The following ARL13B variants were observed in gnomAD, a reference collection of about 807,000 sequenced individuals.
ARL13B encodes ADP-ribosylation factor-like protein 13B.
In ARL13B, 36 loss-of-function variants were observed where a neutral mutation model predicts 56.1. The ratio of observed to expected loss-of-function variants is 0.64; its 90% CI spans 0.49 to 0.85. ARL13B has a LOEUF of 0.85. ARL13B is among the 40% of genes least tolerant of loss of function. ARL13B has a pLI of 0.00. For synonymous variants in ARL13B, 178 were observed against 171.1 expected (o/e 1.04, Z -0.32); for missense variants, 519 against 507.1 (o/e 1.02, Z -0.23).
intron 1 of ARL13B, among the ~76,000 whole-genome samples, chr3:93,983,612 A>G (rs970119522): frequency 6.6e-6 from 1 of 152,026 alleles, no homozygotes; most frequent in African/African-American, 2.4e-5. Context: ...TCTCCTTCAC[A>G]TTATAGGGGA....
intron 2 of ARL13B, among the ~76,000 whole-genome samples, chr3:94,003,099 T>C (rs2076079767): frequency 6.6e-6 from 1 of 152,202 alleles, no homozygotes; most frequent in South Asian, 2.1e-4. Flanking sequence ...ACATCCAAAA[T>C]ATGTTCCTAT....
intron 1 of ARL13B, among the ~76,000 whole-genome samples, chr3:93,992,908 C>T (rs1418334580): frequency 1.3e-5 from 2 of 151,964 alleles, no homozygotes. Context: ...ATTCTCGCAG[C>T]TCAGCCTCCC....
chr3:94,010,421 T>C (rs2076204325), intron 3 of ARL13B, among the ~76,000 whole-genome samples: 1 of 152,078 alleles, frequency 6.6e-6, no homozygotes, highest in African/African-American at 2.4e-5. Flanking sequence ...CTATGAAGCT[T>C]GTAATTACAG....
intron 3 of ARL13B, among the ~76,000 whole-genome samples, chr3:94,011,077 A>G (rs2076216782): frequency 6.6e-6 from 1 of 152,094 alleles, no homozygotes; most frequent in South Asian, 2.1e-4. Context: ...ATGCTTGATA[A>G]TTGACACCAT....
At chr3:94,049,235 A>G (rs2077029690) in intron 7 of ARL13B, among the ~76,000 whole-genome samples, 171 bp from the exon 8 acceptor site, 1 of 152,240 alleles carries the variant, frequency 6.6e-6, no homozygotes, top group African/African-American at 2.4e-5. Context: ...CTTAAAAAAT[A>G]TATTCTTAGT....
At chr3:94,034,183 G>A (rs1576023432) in intron 3 of ARL13B, among the ~76,000 whole-genome samples, 2 of 151,972 alleles carry the variant, frequency 1.3e-5, no homozygotes, top group Admixed American at 1.3e-4. Flanking sequence ...TGTGATTCAG[G>A]CAGCAAAATA....
intron 3 of ARL13B, among the ~76,000 whole-genome samples, chr3:94,023,462 C>G (rs2076491241): frequency 6.6e-6 from 1 of 151,796 alleles, no homozygotes; most frequent in Non-Finnish European, 1.5e-5. Flanking sequence ...TCTTTTCAAC[C>G]TAGAAACTCA....
chr3:93,998,236 C>CCTGA (rs767870401), intron 2 of ARL13B, among the ~76,000 whole-genome samples: 2 of 152,130 alleles, frequency 1.3e-5, no homozygotes, highest in Non-Finnish European at 2.9e-5. Flanking sequence ...TCCTCTAAAG[C>CCTGA]CTGACATTCA....
intron 3 of ARL13B, chr3:94,015,176 C>T: frequency 6.2e-7 from 1 of 1,613,824 alleles, no homozygotes; most frequent in Non-Finnish European, 8.5e-7. Context: ...AGAAACACCC[C>T]TTGTTCCTCT....
In ARL13B at chr3:94,036,733, T is replaced by C. The variant is rs1394528438; in HGVS notation, c.668T>C (p.Val223Ala). 1.2e-6 allele frequency: 2 copies of C among 1,612,468 alleles called. No individual in the cohort carries two copies. The highest frequency in any genetic ancestry group is 1.1e-5 in the South Asian group (1 of 90,836). Reference protein sequence around the residue: ...EQEKQERAERVRKLREERKQN... With the variant: ...EQEKQERAERARKLREERKQN... The stretch of plus-strand genomic sequence containing the variant: ...GAGAAACAAGAAAGAGCTGAACGAG[T>C]GCGAAAATTACGAGAAGAAAGGTAA... The change falls in exon 5 of 10, where the codon GTG becomes GCG. Residue 223 changes from valine to alanine, a missense_variant. Physicochemically the swap from Val to Ala is moderately conservative, Grantham distance 64 (BLOSUM62 0). Transcript: ENST00000394222.
intron 3 of ARL13B, among the ~76,000 whole-genome samples, chr3:94,018,396 G>A (rs148293127): frequency 3.9e-5 from 6 of 152,242 alleles, no homozygotes; most frequent in Non-Finnish European, 1.5e-5. Context: ...CATTTCTTGA[G>A]ACACTTTGAA....
At chr3:94,008,284 C>T (rs1284323232) in intron 3 of ARL13B, among the ~76,000 whole-genome samples, 1 of 152,144 alleles carries the variant, frequency 6.6e-6, no homozygotes, top group Admixed American at 6.6e-5. Flanking sequence ...ACGTTATCTA[C>T]TCTTGCCTGC....
intron 3 of ARL13B, chr3:94,015,324 G>T (rs1051128082): frequency 4.1e-6 from 6 of 1,452,842 alleles, no homozygotes; most frequent in Non-Finnish European, 4.6e-6. Flanking sequence ...TAGAAATTTG[G>T]TATTTTTCCC....
intron 1 of ARL13B, among the ~76,000 whole-genome samples, chr3:93,984,574 T>C (rs1248609632): frequency 6.6e-6 from 1 of 152,076 alleles, no homozygotes; most frequent in African/African-American, 2.4e-5. Flanking sequence ...AAGGCACACG[T>C]GTAACTTTCA....
chr3:94,018,779 T>G (rs957776903), intron 3 of ARL13B, among the ~76,000 whole-genome samples: 9 of 152,140 alleles, frequency 5.9e-5, no homozygotes, highest in African/African-American at 1.9e-4. Flanking sequence ...TTTTGTTTGT[T>G]TTTTGAGACC....
At chr3:94,049,709 TAAA>T (rs1050775479) in intron 8 of ARL13B, among the ~76,000 whole-genome samples, 187 bp downstream of exon 8, 1 of 151,882 alleles carries the variant, frequency 6.6e-6, no homozygotes, top group South Asian at 2.1e-4. Flanking sequence ...CTTTTTTGAA[TAAA>T]AAAATGTTTT....
At chr3:93,984,586 T>G (rs1369412730) in intron 1 of ARL13B, among the ~76,000 whole-genome samples, 1 of 152,088 alleles carries the variant, frequency 6.6e-6, no homozygotes, top group Non-Finnish European at 1.5e-5. Flanking sequence ...TAACTTTCAT[T>G]AAAAACAAAT....
intron 5 of ARL13B, among the ~76,000 whole-genome samples, chr3:94,037,728 T>C (rs1384186468): frequency 6.6e-6 from 1 of 151,908 alleles, no homozygotes; most frequent in Non-Finnish European, 1.5e-5. Flanking sequence ...ATTAAATATA[T>C]GGCCATAATT....
At chr3:94,034,206 A>G (rs1402900961) in intron 3 of ARL13B, among the ~76,000 whole-genome samples, 3 of 152,078 alleles carry the variant, frequency 2.0e-5, no homozygotes, top group Admixed American at 6.6e-5. Context: ...AGGTATGTAG[A>G]TTTTAATGGT....
Sources: allele counts gnomAD v4.1 joint callset (sites outside exome capture counted in the v4.1 genomes callset), GRCh38; gene constraint gnomAD v4.1.1; transcripts MANE v1.5; gene names NCBI Gene and HGNC (gene_info 2026-07-23, HGNC 2026-07-21).